Variants in SPACA6 observed in about 807,000 individuals in gnomAD.
SPACA6 encodes sperm acrosome membrane-associated protein 6.
For synonymous variants in SPACA6, 6 were observed against 1.5 expected (o/e 4.05, Z -2.21); for missense variants, 8 against 2.8 (o/e 2.88, Z -1.34).
At position 51,702,250 on chromosome 19, in the gene SPACA6, A is replaced by G. The variant is rs367816276; in HGVS notation, c.362-379A>G. 9.2e-5 allele frequency among the ~76,000 whole-genome samples: 14 copies of G among 151,428 alleles called. No homozygotes were observed. In the East Asian group the frequency reaches 1.8e-3, roughly 19 times the overall value. On this transcript the variant is annotated intron_variant, in intron 3 of 8. Coordinates refer to ENST00000637797, the MANE Select transcript of SPACA6 (RefSeq NM_001316972.2). ...TTCCGGGACTACTACTAACCTGGCC[A>G]CGCCTCTTCTCTAACTGGGCCACCA...
chr19:51,706,717 T>G (rs1378474419), downstream of SPACA6, among the ~76,000 whole-genome samples: 1 of 152,082 alleles, frequency 6.6e-6, no homozygotes. Flanking sequence ...TGGAGTGCAA[T>G]GGTGCGATGT....
At chr19:51,694,110 T>C (rs1041894469) in intron 1 of SPACA6, 7 of 238,026 alleles carry the variant, frequency 2.9e-5, no homozygotes, top group South Asian at 1.9e-4. Context: ...TGGAGACTCA[T>C]AGAAAGGGGA....
intron 2 of SPACA6, among the ~76,000 whole-genome samples, chr19:51,699,772 GT>G (rs2083454996): frequency 1.3e-5 from 2 of 152,052 alleles, no homozygotes; most frequent in African/African-American, 4.8e-5. Flanking sequence ...ACATTCTGAG[GT>G]ACTGGGAGTT....
chr19:51,702,971 C>T (rs959586168), intron 4 of SPACA6, 50 bp from the exon 5 acceptor site: 6 of 399,078 alleles, frequency 1.5e-5, no homozygotes, highest in Non-Finnish European at 1.8e-5. Flanking sequence ...CCAAGGGCCC[C>T]GGGCTTGGAA....
chr19:51,695,694 G>A (rs1483974647), intron 2 of SPACA6, among the ~76,000 whole-genome samples: 2 of 152,210 alleles, frequency 1.3e-5, no homozygotes, highest in Non-Finnish European at 2.9e-5. Flanking sequence ...TGTTACAGAA[G>A]CTTTTGAAAA....
At chr19:51,696,734 C>G (rs1600137972) in intron 2 of SPACA6, among the ~76,000 whole-genome samples, 1 of 152,292 alleles carries the variant, frequency 6.6e-6, no homozygotes, top group East Asian at 1.9e-4. Flanking sequence ...CAGGCATGAA[C>G]TACCGTACCT....
chr19:51,711,766 TGAAG>T (rs1316774888), intron 2 of SPACA6, among the ~76,000 whole-genome samples: 1 of 141,140 alleles, frequency 7.1e-6, no homozygotes, highest in Non-Finnish European at 1.6e-5. Flanking sequence ...ATATGCTAAA[TGAAG>T]GAAGTCACAA....
chr19:51,683,302 G>C, the SPACA6 span, among the ~76,000 whole-genome samples: 1 of 152,026 alleles, frequency 6.6e-6, no homozygotes, highest in Non-Finnish European at 1.5e-5. Context: ...CAGATTACCA[G>C]TCATTGGATT....
At chr19:51,707,471 C>T (rs1393233207), downstream of SPACA6, among the ~76,000 whole-genome samples, 1 of 152,142 alleles carries the variant, frequency 6.6e-6, no homozygotes, top group Non-Finnish European at 1.5e-5. Flanking sequence ...GATTGCCTGC[C>T]TCAGCCTCCC....
chr19:51,696,909 C>T (rs1275569851), intron 2 of SPACA6, among the ~76,000 whole-genome samples: 1 of 152,086 alleles, frequency 6.6e-6, no homozygotes, highest in Admixed American at 6.5e-5. Context: ...ACCCTGGGGC[C>T]CGTGGGGCTG....
At chr19:51,708,293 CTG>C (rs2083525409), downstream of SPACA6, among the ~76,000 whole-genome samples, 2 of 152,318 alleles carry the variant, frequency 1.3e-5, no homozygotes, top group Admixed American at 6.5e-5. Flanking sequence ...GGGTATAAGA[CTG>C]TCAGAAACCA....
chr19:51,701,936 G>T (rs562877683), intron 3 of SPACA6, among the ~76,000 whole-genome samples: 2 of 152,302 alleles, frequency 1.3e-5, no homozygotes, highest in African/African-American at 4.8e-5. Context: ...GCTGGGCGTG[G>T]TAACGCATGC....
chr19:51,703,306 TC>T lies in SPACA6; in HGVS notation c.543del (p.Thr182ProfsTer46), dbSNP rs2083484918. The T allele has an allele frequency of 2.5e-6, 1 of 399,382 alleles. No individual in the cohort carries two copies. The highest frequency in any genetic ancestry group is 3.6e-5 in the East Asian group (1 of 28,084). 24.7% of individuals were successfully genotyped at this position (399,382 alleles called of 1,614,324 possible). On this transcript the variant is annotated frameshift_variant, in exon 6 of 9. Transcript: ENST00000637797. LOFTEE classifies it high-confidence loss of function. The surrounding 1 kb of genome is among the most constrained non-coding windows in gnomAD (Gnocchi z 4.2). ...IVNFQLPKEE[I>X]TYSWKFAGGG... is the part of the protein sequence containing the mutation. ...AACTTCCAGCTGCCAAAGGAGGAGA[TC>T]ACCTATTCCTGGAAGTTCGCAGGAG... is the stretch of plus-strand genomic sequence containing the variant.
intron 3 of SPACA6, 86 bp from the exon 4 acceptor site, chr19:51,702,543 C>T: frequency 2.5e-6 from 1 of 397,628 alleles, no homozygotes; most frequent in Non-Finnish European, 4.4e-6. Context: ...AGCAATGCTT[C>T]GGGCCTTGTA....
At chr19:51,700,235 C>A (rs1278235000) in intron 2 of SPACA6, among the ~76,000 whole-genome samples, 1 of 152,146 alleles carries the variant, frequency 6.6e-6, no homozygotes, top group African/African-American at 2.4e-5. Flanking sequence ...GCCTGGGCAA[C>A]AGAGCGAGAC....
At position 51,693,511 on chromosome 19, in the gene SPACA6, C is replaced by G. The variant is rs999774017; in HGVS notation, c.-16C>G. The G allele has an allele frequency of 8.0e-6, 4 of 498,918 alleles. No homozygotes were observed. Among genetic ancestry groups the G allele is most frequent in the Non-Finnish European group, 1.5e-5 (4 of 270,062 alleles). The allele number at this position is 498,918 out of a possible 1,614,324, so 30.9% of individuals were successfully genotyped here. On this transcript the variant is annotated 5_prime_UTR_variant, in exon 1 of 9. Transcript: ENST00000637797. ...TAAAGGTTACTAGCTTCTCCCCTGGCCTTGAGACCCACACGATGGCCCTGC... is the reference window on the plus strand; with the variant it reads ...TAAAGGTTACTAGCTTCTCCCCTGGGCTTGAGACCCACACGATGGCCCTGC...
upstream of SPACA6, among the ~76,000 whole-genome samples, chr19:51,688,924 A>G (rs1378762044): frequency 2.5e-4 from 23 of 91,810 alleles, no homozygotes; most frequent in Admixed American, 6.9e-4. Flanking sequence ...AGAGAGAACG[A>G]GAGAGAAGGG....
upstream of SPACA6, chr19:51,685,987 T>C (rs1231018418): frequency 6.6e-6 from 1 of 151,956 alleles, no homozygotes; most frequent in Non-Finnish European, 1.5e-5. Flanking sequence ...CAATGTCTGA[T>C]GGGAATGGTG....
rs2083469864 is a variant in SPACA6 at position 51,701,731 on chromosome 19, A to G, written c.361+5A>G. ...TCATTACACAGCTTAAAGAAGGTAA[A>G]ATACACTCCATCTCTCCTTCCCCAG... On this transcript the variant is annotated splice_donor_5th_base_variant and intron_variant, in intron 3 of 8. Transcript: ENST00000637797. The G allele has an allele frequency of 2.5e-6, 1 of 398,742 alleles. No individual in the cohort carries two copies. Among genetic ancestry groups the G allele is most frequent in the Non-Finnish European group, 4.4e-6 (1 of 225,860 alleles). 24.7% of individuals were successfully genotyped at this position (398,742 alleles called of 1,614,324 possible). A position where few individuals can be genotyped will look rare whatever the true frequency, so the allele number is the denominator to read the frequency against.
Sources: allele counts gnomAD v4.1 joint callset (sites outside exome capture counted in the v4.1 genomes callset), GRCh38; gene constraint gnomAD v4.1.1; non-coding constraint Gnocchi (gnomAD v3.1); transcripts MANE v1.5; gene names NCBI Gene and HGNC (gene_info 2026-07-23, HGNC 2026-07-21).